Variants in GPC6 observed in about 807,000 individuals in gnomAD.
GPC6 encodes the protein glypican 6, also known as glypican-6.
In GPC6, 14 loss-of-function variants were observed where a neutral mutation model predicts 55.2. The ratio of observed to expected loss-of-function variants is 0.25; its 90% CI spans 0.17 to 0.40. The LOEUF (loss-of-function observed/expected upper bound fraction) is 0.40. Ranked by LOEUF, GPC6 falls within the 10% of genes least tolerant of loss-of-function variation. The pLI, the probability that GPC6 is intolerant of heterozygous loss-of-function variation, is 1.00. For synonymous variants in GPC6, 278 were observed against 259.6 expected (o/e 1.07, Z -0.68); for missense variants, 641 against 708.5 (o/e 0.90, Z 1.08).
Position 93,923,618 on chromosome 13 carries a change from T to C in GPC6, c.711+93073T>C, listed in dbSNP as rs1280687015. Among the ~76,000 whole-genome samples, 3 of 152,206 alleles carry C rather than the reference T, an allele frequency of 2.0e-5. No individual in the cohort carries two copies. The South Asian group carries it at 6.2e-4, about 32-fold the overall frequency. On this transcript the variant is annotated intron_variant, in intron 3 of 8. Transcript: ENST00000377047. ...AATTTCCAGAATTTGAGTCTTAATT[T>C]GCTCTTTTTGTATAACTTACCCAAA...
At chr13:93,637,873 T>G (rs2139581064) in intron 2 of GPC6, among the ~76,000 whole-genome samples, 1 of 152,272 alleles carries the variant, frequency 6.6e-6, no homozygotes, top group Admixed American at 6.5e-5. Flanking sequence ...TCAGGCAACA[T>G]GTCCTCCATA....
chr13:93,551,821 C>T (rs1249162270), intron 2 of GPC6, among the ~76,000 whole-genome samples: 1 of 152,116 alleles, frequency 6.6e-6, no homozygotes, highest in Admixed American at 6.5e-5. Flanking sequence ...AAGAAAAATA[C>T]TTATTTTCTA....
intron 4 of GPC6, among the ~76,000 whole-genome samples, chr13:94,107,983 TC>T (rs1002298011): frequency 2.0e-5 from 3 of 152,158 alleles, no homozygotes; most frequent in Non-Finnish European, 2.9e-5. Context: ...GTGTGGACAT[TC>T]CTTAAATAAC....
intron 2 of GPC6, among the ~76,000 whole-genome samples, chr13:93,602,607 T>A (rs548221841): frequency 2.0e-5 from 3 of 151,992 alleles, no homozygotes; most frequent in Non-Finnish European, 4.4e-5. Context: ...ATAGAAAGAA[T>A]TGTAGAGAAT....
intron 1 of GPC6, among the ~76,000 whole-genome samples, chr13:93,291,115 G>T (rs747085848): frequency 6.6e-6 from 1 of 152,120 alleles, no homozygotes; most frequent in African/African-American, 2.4e-5. Flanking sequence ...ACATAGTATG[G>T]CATTGATGTA....
At chr13:93,890,623 A>G (rs954061110) in intron 3 of GPC6, among the ~76,000 whole-genome samples, 8 of 151,864 alleles carry the variant, frequency 5.3e-5, no homozygotes, top group African/African-American at 1.9e-4. Flanking sequence ...TATGATTTCT[A>G]TGCATGATAT....
chr13:94,054,854 G>C (rs530149233), intron 4 of GPC6, among the ~76,000 whole-genome samples: 4 of 152,224 alleles, frequency 2.6e-5, no homozygotes, highest in East Asian at 3.9e-4. Flanking sequence ...AGTACTTCTT[G>C]TATGCTCTGT....
At chr13:93,341,865 G>A (rs1880267888) in intron 1 of GPC6, among the ~76,000 whole-genome samples, 2 of 150,272 alleles carry the variant, frequency 1.3e-5, no homozygotes, top group Admixed American at 1.3e-4. Flanking sequence ...AATTTTTATG[G>A]TATCAGGTTT....
At chr13:93,231,380 CATATATATATATATATGTAT>C (rs1876031069) in intron 1 of GPC6, among the ~76,000 whole-genome samples, 1 of 30,940 alleles carries the variant, frequency 3.2e-5, no homozygotes, top group Non-Finnish European at 6.0e-5. Context: ...TATATATATA[CATATATATATATATATGTAT>C]ATATATATAT....
intron 1 of GPC6, among the ~76,000 whole-genome samples, chr13:93,385,940 A>T (rs1029112194): frequency 6.6e-6 from 1 of 152,032 alleles, no homozygotes; most frequent in East Asian, 1.9e-4. Flanking sequence ...GTATTCTATA[A>T]AAAGGAAAAT....
At chr13:93,587,205 T>C (rs1877244577) in intron 2 of GPC6, among the ~76,000 whole-genome samples, 1 of 151,934 alleles carries the variant, frequency 6.6e-6, no homozygotes, top group African/African-American at 2.4e-5. Flanking sequence ...TATTATATAA[T>C]ATTTTATTAT....
intron 1 of GPC6, among the ~76,000 whole-genome samples, chr13:93,345,125 T>G (rs970261003): frequency 9.9e-5 from 15 of 152,188 alleles, no homozygotes; most frequent in African/African-American, 3.6e-4. Context: ...ATTAAAATGT[T>G]GAGGGCTTGC....
At chr13:94,307,964 T>C (rs1192147992) in intron 6 of GPC6, among the ~76,000 whole-genome samples, 1 of 152,126 alleles carries the variant, frequency 6.6e-6, no homozygotes, top group East Asian at 1.9e-4. Context: ...AGGTACTACA[T>C]TGTGCCTGCA....
intron 6 of GPC6, among the ~76,000 whole-genome samples, chr13:94,368,098 G>C (rs538710581): frequency 6.9e-6 from 1 of 145,450 alleles, no homozygotes; most frequent in African/African-American, 2.6e-5. Flanking sequence ...GCAGTGAGCC[G>C]AGATCGCACC....
intron 6 of GPC6, among the ~76,000 whole-genome samples, chr13:94,369,494 A>T (rs1270200205): frequency 1.3e-5 from 2 of 152,240 alleles, no homozygotes; most frequent in Non-Finnish European, 2.9e-5. Context: ...CACAACTCAG[A>T]ATTCAACAGG....
intron 1 of GPC6, among the ~76,000 whole-genome samples, chr13:93,330,080 A>T (rs981267488): frequency 5.9e-5 from 9 of 152,206 alleles, no homozygotes; most frequent in African/African-American, 2.2e-4. Flanking sequence ...AGAAAAGCTC[A>T]TAGTGTATAT....
At chr13:93,707,820 G>T (rs560857479) in intron 2 of GPC6, among the ~76,000 whole-genome samples, 1 of 151,888 alleles carries the variant, frequency 6.6e-6, no homozygotes, top group East Asian at 2.0e-4. Context: ...GTATAAAGAT[G>T]TCCATATCAC....
intron 4 of GPC6, among the ~76,000 whole-genome samples, chr13:94,272,634 A>T (rs1220795012): frequency 1.3e-5 from 2 of 151,444 alleles, no homozygotes; most frequent in Non-Finnish European, 2.9e-5. Context: ...ACGCCCGGCT[A>T]ATTTTTTGTA....
At chr13:93,868,712 A>G (rs1889042667) in intron 3 of GPC6, among the ~76,000 whole-genome samples, 1 of 151,840 alleles carries the variant, frequency 6.6e-6, no homozygotes, top group African/African-American at 2.4e-5. Flanking sequence ...CACTTTTCAT[A>G]CTATTAATAT....
Sources: allele counts gnomAD v4.1 joint callset (sites outside exome capture counted in the v4.1 genomes callset), GRCh38; gene constraint gnomAD v4.1.1; transcripts MANE v1.5; gene names NCBI Gene and HGNC (gene_info 2026-07-23, HGNC 2026-07-21).